The following FHIP2A variants were observed in gnomAD, a reference collection of about 807,000 sequenced individuals.
FHIP2A encodes family with sequence similarity 160 member B1.
A neutral mutation model predicts 93.5 loss-of-function variants in FHIP2A; 46 were observed. The ratio of observed to expected loss-of-function variants is 0.49; its 90% CI spans 0.39 to 0.63. FHIP2A has a LOEUF of 0.63. Among genes scored for constraint, FHIP2A ranks in the 20% least tolerant of loss-of-function variants. The pLI is 0.00. For synonymous variants in FHIP2A, 332 were observed against 326.5 expected (o/e 1.02, Z -0.18); for missense variants, 769 against 909.7 (o/e 0.85, Z 1.99).
In FHIP2A at chr10:114,896,559, CT is replaced by C. The variant is rs1314993665; in HGVS notation, c.2193-2930del. Among the ~76,000 whole-genome samples, 84 of 152,346 alleles carry C rather than the reference CT, an allele frequency of 5.5e-4. 1 individual carries two copies. Among genetic ancestry groups the C allele is most frequent in the African/African-American group, 2.0e-3 (83 of 41,580 alleles). ...CTGAGATAGATGCATATCTGATTGC[CT>C]CCTTTGGAAAGGCTCATCAGAAACT... On this transcript the variant is annotated intron_variant, in intron 16 of 16. Transcript: ENST00000369250.
chr10:114,898,884 T>G (rs2143016866), intron 16 of FHIP2A, among the ~76,000 whole-genome samples: 1 of 152,320 alleles, frequency 6.6e-6, no homozygotes, highest in South Asian at 2.1e-4. Flanking sequence ...TCATGCTACT[T>G]TATAGCATGA....
intron 16 of FHIP2A, among the ~76,000 whole-genome samples, chr10:114,874,989 C>A (rs1344894188): frequency 6.6e-6 from 1 of 152,194 alleles, no homozygotes; most frequent in Non-Finnish European, 1.5e-5. Flanking sequence ...TTTGTACATT[C>A]GTGTTTGCTC....
chr10:114,873,475 C>T (rs575793117), intron 16 of FHIP2A, among the ~76,000 whole-genome samples: 62 of 152,248 alleles, frequency 4.1e-4, no homozygotes, highest in Non-Finnish European at 7.1e-4. Flanking sequence ...ACTGTATTCT[C>T]GGGAAGCAAA....
chr10:114,876,953 G>A (rs2083892553), intron 16 of FHIP2A, among the ~76,000 whole-genome samples: 1 of 151,420 alleles, frequency 6.6e-6, no homozygotes, highest in Admixed American at 6.6e-5. Context: ...TTTCTGTTAA[G>A]TTACCGGAAT....
chr10:114,879,823 T>A (rs1363896899), intron 16 of FHIP2A, among the ~76,000 whole-genome samples: 3 of 152,140 alleles, frequency 2.0e-5, no homozygotes, highest in Non-Finnish European at 4.4e-5. Context: ...TTCGAGCCAA[T>A]ATTCTTTTTT....
chr10:114,874,767 G>A (rs1351627665), intron 16 of FHIP2A, among the ~76,000 whole-genome samples: 1 of 152,144 alleles, frequency 6.6e-6, no homozygotes, highest in Non-Finnish European at 1.5e-5. Context: ...GCCTCCCAAA[G>A]TTCTGGGATT....
In FHIP2A at chr10:114,833,283, A is replaced by T. The variant is rs768848327; in HGVS notation, c.175A>T (p.Met59Leu). 8 of 1,613,570 alleles carry T rather than the reference A, an allele frequency of 5.0e-6. No individual in the cohort carries two copies. The highest frequency in any genetic ancestry group is 3.3e-4 in the Middle Eastern group (2 of 6,060). Residue 59 changes from methionine to leucine, a missense_variant, in exon 3 of 17, where the codon ATG becomes TTG. By Grantham distance (15) the Met-to-Leu change is conservative. Transcript: ENST00000369248. ...AAATATTCCATCGCATCTGGAACAGATGTTAGATATACTGGTTCAAGAAGA... is the reference window on the plus strand; with the variant it reads ...AAATATTCCATCGCATCTGGAACAGTTGTTAGATATACTGGTTCAAGAAGA... ...DTNIPSHLEQ[M>L]LDILVQEENE...
intron 1 of FHIP2A, among the ~76,000 whole-genome samples, chr10:114,825,436 T>C (rs1302034513): frequency 6.6e-6 from 1 of 152,258 alleles, no homozygotes. Flanking sequence ...GGCAACTACT[T>C]ATAACGTGAA....
intron 16 of FHIP2A, among the ~76,000 whole-genome samples, chr10:114,891,593 GTA>G (rs1390652894): frequency 6.9e-4 from 104 of 150,134 alleles, no homozygotes; most frequent in African/African-American, 2.3e-3. Flanking sequence ...GTATGTGTGT[GTA>G]TATATGTGTG....
At chr10:114,868,703 A>G (rs1409399938), downstream of FHIP2A, among the ~76,000 whole-genome samples, 5 of 152,120 alleles carry the variant, frequency 3.3e-5, no homozygotes, top group Non-Finnish European at 7.4e-5. Context: ...CTTATATCAG[A>G]GGGGAGAGTA....
At chr10:114,833,763 A>G (rs1470503071) in intron 3 of FHIP2A, among the ~76,000 whole-genome samples, 1 of 152,194 alleles carries the variant, frequency 6.6e-6, no homozygotes, top group Non-Finnish European at 1.5e-5. Context: ...AATGTCACTG[A>G]TGATTTTGAC....
chr10:114,865,693 G>A (rs1489736343), downstream of FHIP2A, among the ~76,000 whole-genome samples: 1 of 152,078 alleles, frequency 6.6e-6, no homozygotes, highest in Admixed American at 6.5e-5. Flanking sequence ...TAAGAATTTA[G>A]CAGTGTTTTA....
downstream of FHIP2A, among the ~76,000 whole-genome samples, chr10:114,866,679 G>T (rs929236780): frequency 2.6e-5 from 4 of 152,184 alleles, no homozygotes; most frequent in African/African-American, 9.7e-5. Context: ...CAGTCTTGGT[G>T]TGGTGTTTAC....
chr10:114,849,771 TCTC>T (rs1224618865), intron 13 of FHIP2A, among the ~76,000 whole-genome samples: 2 of 152,240 alleles, frequency 1.3e-5, no homozygotes, highest in African/African-American at 2.4e-5. Flanking sequence ...CATATTGACT[TCTC>T]CTCCCCGCCA....
intron 13 of FHIP2A, 43 bp downstream of exon 13, chr10:114,848,780 G>C (rs2143011785): frequency 7.9e-7 from 1 of 1,264,476 alleles, no homozygotes; most frequent in East Asian, 2.3e-5. Flanking sequence ...TCTAAGAATA[G>C]ACACATGCAC....
At chr10:114,827,606 G>C (rs2083584073) in intron 1 of FHIP2A, among the ~76,000 whole-genome samples, 1 of 152,114 alleles carries the variant, frequency 6.6e-6, no homozygotes, top group Non-Finnish European at 1.5e-5. Context: ...GACCATCCTG[G>C]CTAACACGGT....
chr10:114,838,350 A>G (rs1396153079), intron 5 of FHIP2A, among the ~76,000 whole-genome samples: 1 of 152,174 alleles, frequency 6.6e-6, no homozygotes, highest in Non-Finnish European at 1.5e-5. Flanking sequence ...AGGTGGTGGT[A>G]AGGACTACGC....
chr10:114,846,452 A>G lies in FHIP2A; in HGVS notation c.1398+85A>G, dbSNP rs1342785935. ...TTATACTTCAGATATTTTCAATACA[A>G]CCTCTTTTATTGGCTTTAGAAATTG... On this transcript the variant is annotated intron_variant, in intron 10 of 16. Coordinates refer to ENST00000369248, the MANE Select transcript of FHIP2A (RefSeq NM_020940.4). The G allele has an allele frequency of 4.1e-6, 6 of 1,447,924 alleles. No individual in the cohort carries two copies. The African/African-American group carries it at 7.1e-5, about 17-fold the overall frequency. 89.7% of individuals were successfully genotyped at this position (1,447,924 alleles called of 1,614,324 possible).
intron 16 of FHIP2A, among the ~76,000 whole-genome samples, chr10:114,876,000 GAAAGAGAAAGAAAGAA>G (rs371192611): frequency 0.011 from 1,642 of 151,672 alleles, 37 homozygotes; most frequent in African/African-American, 0.038. Flanking sequence ...GAAAGAAAAA[GAAAGAGAAAGAAAGAA>G]AAAGAAAGAA....
Sources: allele counts gnomAD v4.1 joint callset (sites outside exome capture counted in the v4.1 genomes callset), GRCh38; gene constraint gnomAD v4.1.1; transcripts MANE v1.5; gene names NCBI Gene and HGNC (gene_info 2026-07-23, HGNC 2026-07-21).